Variants in CACNA1A observed in about 807,000 individuals in gnomAD.
CACNA1A encodes calcium voltage-gated channel subunit alpha1 A.
In CACNA1A, 57 loss-of-function variants were observed where a neutral mutation model predicts 262.4. That is an observed-to-expected ratio of 0.22 (90% confidence interval 0.18 to 0.27). The LOEUF is 0.27. CACNA1A is among the 10% of genes least tolerant of loss of function. The pLI, the probability that CACNA1A is intolerant of heterozygous loss-of-function variation, is 1.00. For missense variants in CACNA1A, 2,526 were observed against 3,562.8 expected (o/e 0.71, Z 7.41); for synonymous variants, 1,431 against 1,419.3 (o/e 1.01, Z -0.18).
Position 13,207,501 on chromosome 19 carries a change from A to C in CACNA1A, c.7333T>G (p.Ser2445Ala). Residue 2445 changes from serine to alanine, a missense_variant, in exon 47 of 47, where the codon TCG becomes GCG. Around this residue, in one of 17 missense-constraint regions of CACNA1A, gnomAD observed 929 missense variants for 868.1 expected, o/e 1.07. Transcript: ENST00000360228. This position sits in a 1 kb window ranked among gnomAD's most constrained non-coding sequence, Gnocchi z 5.7. Reference protein sequence around the residue: ...DAPPPVRHASSGATGRSPRTP... With the variant: ...DAPPPVRHASAGATGRSPRTP... Reference sequence around the variant, plus strand: ...CTGGGCGAGCGCCCGGTGGCGCCCGAGGACGCGTGTCGTACGGGGGGTGGC... The same window carrying C: ...CTGGGCGAGCGCCCGGTGGCGCCCGCGGACGCGTGTCGTACGGGGGGTGGC... 1 of 1,423,008 alleles carries C rather than the reference A, an allele frequency of 7.0e-7. No individual in the cohort carries two copies. 88.1% of individuals were successfully genotyped at this position (1,423,008 alleles called of 1,614,324 possible).
chr19:13,271,593 G>C (rs1244992027), intron 24 of CACNA1A: 3 of 152,138 alleles, frequency 2.0e-5, no homozygotes, highest in African/African-American at 7.2e-5. Context: ...TTTAAAAGAG[G>C]AGGCTAATTT....
intron 45 of CACNA1A, 61 bp from the exon 46 acceptor site, chr19:13,209,070 G>A (rs2054699845): frequency 6.5e-7 from 1 of 1,533,126 alleles, no homozygotes; most frequent in Non-Finnish European, 8.7e-7. Context: ...TGGGGCAGAT[G>A]CACACACAGG....
rs1600186663 is a variant in CACNA1A, at chr19:13,257,473, G to A, written c.4467C>T (p.Phe1489=). Residue 1489 remains phenylalanine (F), a synonymous_variant, in exon 28 of 47, where the codon TTC becomes TTT. Coordinates refer to ENST00000360228, the MANE Select transcript of CACNA1A (RefSeq NM_001127222.2). ...GGAACACCACAAAGTAGACGACGTA[G>A]AAAATGGACATCTCCATGCGGTACC... is the stretch of plus-strand genomic sequence containing the variant. ...SPGYRMEMSI[F]YVVYFVVFPF... is the part of the protein sequence containing the mutation. 1 of 1,613,190 alleles carries A rather than the reference G, an allele frequency of 6.2e-7. No homozygotes were observed. The highest frequency in any genetic ancestry group is 1.7e-5 in the Admixed American group (1 of 59,850).
intron 3 of CACNA1A, among the ~76,000 whole-genome samples, chr19:13,419,297 G>A (rs2060277087): frequency 6.6e-6 from 1 of 152,226 alleles, no homozygotes; most frequent in Non-Finnish European, 1.5e-5. Flanking sequence ...GAGGTGTGCA[G>A]TAGTTTATAC....
At chr19:13,367,294 CAAAAAAA>C (rs71168702) in intron 4 of CACNA1A, among the ~76,000 whole-genome samples, 23,411 of 64,150 alleles carry the variant, frequency 0.36, 2,598 homozygotes, top group Non-Finnish European at 0.46. Flanking sequence ...GACTCTGTCT[CAAAAAAA>C]AAAAAAAAAA....
chr19:13,356,032 C>T (rs2145230104), intron 6 of CACNA1A, among the ~76,000 whole-genome samples: 1 of 152,250 alleles, frequency 6.6e-6, no homozygotes, highest in Non-Finnish European at 1.5e-5. Context: ...GGCTGCTAAC[C>T]AAAGGACGAG....
chr19:13,311,889 CT>C (rs1384120803), intron 12 of CACNA1A, among the ~76,000 whole-genome samples: 2 of 143,518 alleles, frequency 1.4e-5, no homozygotes, highest in Non-Finnish European at 1.5e-5. Flanking sequence ...ATTATTAAGC[CT>C]TTCTGAGACC....
intron 6 of CACNA1A, among the ~76,000 whole-genome samples, chr19:13,347,059 G>GTTTGTT (rs1600390610): frequency 6.9e-5 from 4 of 58,394 alleles, no homozygotes; most frequent in African/African-American, 1.0e-4. Flanking sequence ...TGTTTTTTTT[G>GTTTGTT]TTTTTTTGTT....
Position 13,214,244 on chromosome 19 carries a change from G to C in CACNA1A, c.5929C>G (p.Arg1977Gly). Residue 1977 changes from arginine (R) to glycine (G), a missense_variant, in exon 40 of 47, where the codon CGC becomes GGC. By Grantham distance (125) the Arg-to-Gly change is moderately radical. This residue lies in a region of CACNA1A where 929 missense variants were observed against 868.1 expected (regional missense o/e 1.07). Coordinates refer to ENST00000360228, the MANE Select transcript of CACNA1A (RefSeq NM_001127222.2). The surrounding 1 kb of genome is among the most constrained non-coding windows in gnomAD (Gnocchi z 4.1). Reference sequence around the variant, plus strand: ...GGCGAACAGCGCACCTGCTCCTCGCGCATGGCCTGCAGCTTCTTGGCCTTG... The same window carrying C: ...GGCGAACAGCGCACCTGCTCCTCGCCCATGGCCTGCAGCTTCTTGGCCTTG... Reference protein sequence around the residue: ...QSKAKKLQAMREEQDRTPLMF... With the variant: ...QSKAKKLQAMGEEQDRTPLMF... The C allele has an allele frequency of 1.2e-6, 2 of 1,608,996 alleles. No individual in the cohort carries two copies. The highest frequency in any genetic ancestry group is 1.1e-5 in the South Asian group (1 of 90,908).
chr19:13,244,858 C>G (rs1195102371), intron 31 of CACNA1A: 1 of 307,948 alleles, frequency 3.2e-6, no homozygotes, highest in African/African-American at 2.1e-5. Context: ...TGGGAGCCGG[C>G]TCAGCTTTCA....
At chr19:13,443,112 G>A (rs1301426569) in intron 3 of CACNA1A, among the ~76,000 whole-genome samples, 1 of 152,118 alleles carries the variant, frequency 6.6e-6, no homozygotes, top group Non-Finnish European at 1.5e-5. Context: ...GAGTGCAATA[G>A]TGTGTGTGCA....
chr19:13,300,435 T>C, intron 18 of CACNA1A, 115 bp downstream of exon 18: 1 of 725,236 alleles, frequency 1.4e-6, no homozygotes, highest in Non-Finnish European at 2.5e-6. Context: ...AAGAAGTGTC[T>C]CTTCCTAAAG....
chr19:13,417,902 A>AAAAAAAAAAG (rs1396818530), intron 3 of CACNA1A, among the ~76,000 whole-genome samples: 5 of 151,384 alleles, frequency 3.3e-5, no homozygotes, highest in African/African-American at 1.2e-4. Context: ...AAAAAAAAAA[A>AAAAAAAAAAG]AAAAAAGAGA....
intron 4 of CACNA1A, among the ~76,000 whole-genome samples, chr19:13,367,451 G>C (rs985679248): frequency 6.6e-6 from 1 of 152,044 alleles, no homozygotes; most frequent in African/African-American, 2.4e-5. Context: ...CAGGGGGCCA[G>C]GTGTGGTGGC....
rs1356840838 is a variant in CACNA1A at position 13,502,199 on chromosome 19, G to T, written c.293+3733C>A. Among the ~76,000 whole-genome samples the T allele has an allele frequency of 3.3e-5, 5 of 149,892 alleles. No individual in the cohort carries two copies. The East Asian group carries it at 9.8e-4, about 29-fold the overall frequency. ...AAAAAAATGAGAGGAGTGCCAATCA[G>T]CCAATGTCCACAGATGTCAAAGTGA... On this transcript the variant is annotated intron_variant, in intron 1 of 46. Transcript: ENST00000360228.
chr19:13,310,508 ATATAT>A lies in CACNA1A; in HGVS notation c.1669-1985_1669-1981del, dbSNP rs1568521523. ...AAAAAAAATATATATATATATATATATATATGTAGAGAGAGAGAGAGAGTTTAATT... is the reference window on the plus strand; with the variant it reads ...AAAAAAAATATATATATATATATATAGTAGAGAGAGAGAGAGAGTTTAATT... On this transcript the variant is annotated intron_variant, in intron 12 of 46. Transcript: ENST00000360228. 7.8e-4 allele frequency among the ~76,000 whole-genome samples: 21 copies of A among 26,966 alleles called. 6 individuals are homozygous for A. In the East Asian group the frequency reaches 0.088, roughly 113 times the overall value. 17.7% of individuals were successfully genotyped at this position (26,966 alleles called of 152,430 possible).
rs751530649 is a variant in CACNA1A, at chr19:13,318,890, C to CTTTTTTTTTTTTTTTTTTTTTTTTTTTTT, written c.1346-1570_1346-1569insAAAAAAAAAAAAAAAAAAAAAAAAAAAAA. On this transcript the variant is annotated intron_variant, in intron 10 of 46. Coordinates refer to ENST00000360228, the MANE Select transcript of CACNA1A (RefSeq NM_001127222.2). The stretch of plus-strand genomic sequence containing the variant: ...ATTGAATTTACCTTCTAAAATACAT[C>CTTTTTTTTTTTTTTTTTTTTTTTTTTTTT]TTTTTTTTTTTTTTTTGAGACAGGA... Among the ~76,000 whole-genome samples, 39 of 114,658 alleles carry CTTTTTTTTTTTTTTTTTTTTTTTTTTTTT rather than the reference C, an allele frequency of 3.4e-4. 2 individuals carry two copies. Among genetic ancestry groups the CTTTTTTTTTTTTTTTTTTTTTTTTTTTTT allele is most frequent in the East Asian group, 6.3e-4 (2 of 3,196 alleles). The allele number at this position is 114,658 out of a possible 152,430, so 75.2% of individuals were successfully genotyped here. A position where few individuals can be genotyped will look rare whatever the true frequency, so the allele number is the denominator to read the frequency against.
intron 31 of CACNA1A, among the ~76,000 whole-genome samples, chr19:13,239,803 A>G (rs2056008249): frequency 6.6e-6 from 1 of 151,856 alleles, no homozygotes; most frequent in African/African-American, 2.4e-5. Context: ...GTGTGTGTGC[A>G]TGCGTGCATG....
intron 3 of CACNA1A, among the ~76,000 whole-genome samples, chr19:13,438,223 A>G (rs977284095): frequency 1.3e-5 from 2 of 152,210 alleles, no homozygotes; most frequent in Non-Finnish European, 1.5e-5. Context: ...GGGCCCACAG[A>G]AGTCAGGGCA....
Sources: allele counts gnomAD v4.1 joint callset (sites outside exome capture counted in the v4.1 genomes callset), GRCh38; gene constraint gnomAD v4.1.1; regional missense constraint gnomAD v4.1.1; non-coding constraint Gnocchi (gnomAD v3.1); transcripts MANE v1.5; gene names NCBI Gene and HGNC (gene_info 2026-07-23, HGNC 2026-07-21).